KATNIP: variants seen among roughly 807,000 people sequenced by gnomAD.
KATNIP encodes katanin interacting protein.
In KATNIP, 126 loss-of-function variants were observed where a neutral mutation model predicts 174.0. The observed-to-expected ratio is 0.72, with a 90% CI of 0.63 to 0.84. The LOEUF is 0.84. Ranked by LOEUF, KATNIP falls within the 40% of genes least tolerant of loss-of-function variation. KATNIP has a pLI of 0.00. For synonymous variants in KATNIP, 810 were observed against 835.7 expected, an observed-to-expected ratio of 0.97 and a Z score of 0.53; for missense variants, 1,958 against 2,109.7, an observed-to-expected ratio of 0.93 and a Z score of 1.41.
chr16:27,737,084 C>G (rs571249172), intron 14 of KATNIP, among the ~76,000 whole-genome samples: 151 of 152,238 alleles, frequency 9.9e-4, no homozygotes, highest in Non-Finnish European at 6.9e-4. Flanking sequence ...TTTCAGAATT[C>G]TGTTTCAGGC....
chr16:27,560,151 G>A (rs999659731), intron 1 of KATNIP, among the ~76,000 whole-genome samples: 9 of 150,618 alleles, frequency 6.0e-5, no homozygotes, highest in Non-Finnish European at 7.4e-5. Flanking sequence ...GCGTGGTGGC[G>A]GGTGCCTGTA....
At chr16:27,767,321 C>T (rs1256700831) in intron 20 of KATNIP, among the ~76,000 whole-genome samples, 2 of 152,148 alleles carry the variant, frequency 1.3e-5, no homozygotes, top group African/African-American at 2.4e-5. Context: ...TTGGCATCAC[C>T]GTTGCCAGGT....
chr16:27,652,967 C>G (rs2077162485), intron 6 of KATNIP, among the ~76,000 whole-genome samples: 1 of 152,010 alleles, frequency 6.6e-6, no homozygotes, highest in African/African-American at 2.4e-5. Context: ...CCACTGCACT[C>G]CAGCCTGGGT....
intron 6 of KATNIP, chr16:27,669,293 G>A (rs1010481677): frequency 5.1e-6 from 5 of 985,170 alleles, no homozygotes; most frequent in African/African-American, 1.7e-5. Context: ...TTGTATCAGC[G>A]TCCGTCCCTC....
chr16:27,581,966 C>T (rs1449495242), intron 2 of KATNIP, among the ~76,000 whole-genome samples: 1 of 152,128 alleles, frequency 6.6e-6, no homozygotes, highest in Non-Finnish European at 1.5e-5. Context: ...TATATACATA[C>T]CACAGTTTCT....
chr16:27,576,946 CA>C (rs2090521017), intron 2 of KATNIP, among the ~76,000 whole-genome samples: 1 of 152,072 alleles, frequency 6.6e-6, no homozygotes, highest in Non-Finnish European at 1.5e-5. Context: ...GTGGTGTGGC[CA>C]GTGCACTCCC....
At chr16:27,761,893 C>CAA (rs2081967980) in intron 19 of KATNIP, among the ~76,000 whole-genome samples, 1 of 152,144 alleles carries the variant, frequency 6.6e-6, no homozygotes. Flanking sequence ...CAGAGCGTCT[C>CAA]GCACACAGTA....
Position 27,699,604 on chromosome 16 carries a change from G to A in KATNIP, c.1179+5G>A, listed in dbSNP as rs566492864. 1.9e-6 allele frequency: 3 copies of A among 1,614,108 alleles called. No homozygotes were observed. The highest frequency in any genetic ancestry group is 2.7e-5 in the African/African-American group (2 of 75,074). On this transcript the variant is annotated splice_donor_5th_base_variant and intron_variant, in intron 10 of 27. Coordinates refer to ENST00000261588, the MANE Select transcript of KATNIP (RefSeq NM_015202.5). ...GAGAAGGAAGAGACCCTTGAGGTCAGTGCTAGGCAGAGATGAATGACAAAG... is the reference window on the plus strand; with the variant it reads ...GAGAAGGAAGAGACCCTTGAGGTCAATGCTAGGCAGAGATGAATGACAAAG...
chr16:27,773,183 G>T lies in KATNIP; in HGVS notation c.4283G>T (p.Gly1428Val), dbSNP rs776903680. The change falls in exon 23 of 28, where the codon GGA becomes GTA. Residue 1428 changes from glycine to valine, a missense_variant. Around this residue, in one of 3 missense-constraint regions of KATNIP, gnomAD observed 383 missense variants for 456.0 expected, o/e 0.84. Transcript: ENST00000261588. ...LTGLELYDER[G>V]EKIPLSENNI... is the part of the protein sequence containing the mutation. ...GGCCTGGAGCTGTATGACGAGCGAG[G>T]AGAAAAAATCCCCTTGTCGGAAAAC... The T allele has an allele frequency of 1.5e-5, 24 of 1,611,186 alleles. 1 individual carries two copies. The South Asian group carries it at 2.7e-4, about 18-fold the overall frequency.
intron 14 of KATNIP, chr16:27,727,071 C>A (rs1413620128): frequency 1.3e-5 from 2 of 156,094 alleles, no homozygotes; most frequent in Non-Finnish European, 2.9e-5. Context: ...CCAGTGAATG[C>A]GTGTAAAGTG....
At chr16:27,657,950 A>G (rs572624876) in intron 6 of KATNIP, among the ~76,000 whole-genome samples, 21 of 152,192 alleles carry the variant, frequency 1.4e-4, no homozygotes, top group Non-Finnish European at 2.6e-4. Context: ...GGATTGTATC[A>G]ATGTAGTTTC....
rs115362083 is a variant in KATNIP at position 27,572,619 on chromosome 16, A to G, written c.8-1282A>G. On this transcript the variant is annotated intron_variant, in intron 1 of 27. Coordinates refer to ENST00000261588, the MANE Select transcript of KATNIP (RefSeq NM_015202.5). ...TTCTGATTGGCTGCAGTTGGGTCAG[A>G]GGTCCATCCATAGCACAGCATACTG... Among the ~76,000 whole-genome samples, 1,455 of 152,242 alleles carry G rather than the reference A, an allele frequency of 9.6e-3. 23 individuals carry two copies. The highest frequency in any genetic ancestry group is 0.034 in the African/African-American group (1,392 of 41,540).
Position 27,698,504 on chromosome 16 carries a change from C to G in KATNIP, c.1113+4C>G, listed in dbSNP as rs12920169. 1 of 1,601,106 alleles carries G rather than the reference C, an allele frequency of 6.2e-7. No homozygotes were observed. The highest frequency in any genetic ancestry group is 1.7e-5 in the Admixed American group (1 of 59,132). The stretch of plus-strand genomic sequence containing the variant: ...GCAGCCAGCCAGCCCACTGCAGGTG[C>G]GCTCCGGGCTGGGAGAGGAACCGGG... On this transcript the variant is annotated splice_donor_region_variant and intron_variant, in intron 9 of 27. Coordinates refer to ENST00000261588, the MANE Select transcript of KATNIP (RefSeq NM_015202.5).
At chr16:27,699,699 A>G in intron 10 of KATNIP, 100 bp downstream of exon 10, 3 of 1,527,736 alleles carry the variant, frequency 2.0e-6, no homozygotes, top group Non-Finnish European at 2.7e-6. Context: ...GCATGTGCAT[A>G]GCACCTGATG....
chr16:27,692,942 G>A (rs555190612), intron 8 of KATNIP, among the ~76,000 whole-genome samples: 6 of 152,330 alleles, frequency 3.9e-5, no homozygotes, highest in East Asian at 1.9e-4. Flanking sequence ...CGTTAGGGGC[G>A]AGGGTGTGTC....
At chr16:27,655,236 T>C (rs1221034950) in intron 6 of KATNIP, among the ~76,000 whole-genome samples, 1 of 135,958 alleles carries the variant, frequency 7.4e-6, no homozygotes, top group African/African-American at 2.7e-5. Flanking sequence ...ATATTTTGTT[T>C]GTTTGTTTGT....
intron 2 of KATNIP, among the ~76,000 whole-genome samples, chr16:27,616,247 C>T (rs1311285472): frequency 6.6e-6 from 1 of 152,068 alleles, no homozygotes; most frequent in Non-Finnish European, 1.5e-5. Flanking sequence ...TGGCACAAAC[C>T]TGTGATCTCA....
chr16:27,716,959 C>T (rs1250342778), intron 13 of KATNIP, among the ~76,000 whole-genome samples: 1 of 152,248 alleles, frequency 6.6e-6, no homozygotes, highest in Admixed American at 6.5e-5. Context: ...ATTCTTCTGC[C>T]TCATCCTCCC....
chr16:27,713,788 A>ATG (rs199886034), intron 13 of KATNIP, among the ~76,000 whole-genome samples: 1,794 of 89,102 alleles, frequency 0.02, 112 homozygotes, highest in African/African-American at 0.059. Context: ...CATATTATAT[A>ATG]TGTGTGTGTG....
Sources: gnomAD v4.1 joint callset for allele counts (sites outside exome capture counted in the v4.1 genomes callset) on GRCh38, gnomAD v4.1.1 for gene constraint, gnomAD v4.1.1 regional missense constraint, MANE v1.5 for transcripts, NCBI Gene and HGNC (gene_info 2026-07-23, HGNC 2026-07-21) for gene names.